The following G2E3 variants were observed in gnomAD, a reference collection of about 807,000 sequenced individuals.
G2E3 encodes the protein G2/M phase-specific E3 ubiquitin-protein ligase.
G2E3 carries 35 observed loss-of-function variants against 92.8 expected under a neutral mutation model. That is an observed-to-expected ratio of 0.38 (90% CI 0.29 to 0.50). The LOEUF (loss-of-function observed/expected upper bound fraction) is 0.50. Ranked by LOEUF, G2E3 falls within the 20% of genes least tolerant of loss-of-function variation. The probability of loss-of-function intolerance (pLI) is 0.94; values close to 1 mark genes in which losing one functional copy is unlikely to be tolerated. For synonymous variants in G2E3, 242 were observed against 272.4 expected (o/e 0.89, Z 1.10); for missense variants, 554 against 823.8 (o/e 0.67, Z 4.01).
rs78845581 is a variant in G2E3, at chr14:30,584,051, T to C, written c.38-2667T>C. 4.5e-4 allele frequency among the ~76,000 whole-genome samples: 68 copies of C among 152,332 alleles called. 3 individuals are homozygous for C. The East Asian group carries it at 0.012, about 27-fold the overall frequency. ...CGTGTCCCCAGCCCCTGGTAACCACTAATCTGCTTTTTGTGTGTCCCTGTG... is the reference window on the plus strand; with the variant it reads ...CGTGTCCCCAGCCCCTGGTAACCACCAATCTGCTTTTTGTGTGTCCCTGTG... On this transcript the variant is annotated intron_variant, in intron 2 of 14. Transcript: ENST00000206595.
intron 1 of G2E3, among the ~76,000 whole-genome samples, chr14:30,562,494 A>C (rs976230114): frequency 6.6e-6 from 1 of 152,194 alleles, no homozygotes; most frequent in African/African-American, 2.4e-5. Flanking sequence ...TTCTAGCGGT[A>C]ACACCAGCGT....
intron 13 of G2E3, among the ~76,000 whole-genome samples, chr14:30,612,652 G>A (rs1156714240): frequency 6.6e-6 from 1 of 152,112 alleles, no homozygotes; most frequent in African/African-American, 2.4e-5. Context: ...GAGGTCAGGA[G>A]TTTGAGACCA....
intron 8 of G2E3, among the ~76,000 whole-genome samples, chr14:30,600,961 G>T (rs1881540353): frequency 6.6e-6 from 1 of 152,204 alleles, no homozygotes; most frequent in African/African-American, 2.4e-5. Context: ...AGCATAATAA[G>T]CACTTAGGTT....
chr14:30,578,938 G>A (rs1880274164), intron 1 of G2E3, among the ~76,000 whole-genome samples: 1 of 151,954 alleles, frequency 6.6e-6, no homozygotes, highest in African/African-American at 2.4e-5. Flanking sequence ...AATTGCTTTG[G>A]TGTCTTTGTT....
chr14:30,569,289 CCCTT>C (rs1362170991), intron 1 of G2E3, among the ~76,000 whole-genome samples: 2 of 152,292 alleles, frequency 1.3e-5, no homozygotes, highest in South Asian at 2.1e-4. Context: ...ATTCCTTTCA[CCCTT>C]CCTTCTCTCC....
intron 1 of G2E3, among the ~76,000 whole-genome samples, chr14:30,562,845 A>C (rs537306789): frequency 6.6e-6 from 1 of 152,212 alleles, no homozygotes; most frequent in African/African-American, 2.4e-5. Flanking sequence ...ATAATGGTGT[A>C]AGCTGTCTCT....
intron 1 of G2E3, among the ~76,000 whole-genome samples, chr14:30,563,032 C>A (rs1038665668): frequency 6.6e-6 from 1 of 152,050 alleles, no homozygotes; most frequent in Non-Finnish European, 1.5e-5. Flanking sequence ...GATAGTGGTC[C>A]CCCGGGCCCA....
At chr14:30,614,810 AT>A (rs1449187201) in intron 13 of G2E3, among the ~76,000 whole-genome samples, 1 of 152,142 alleles carries the variant, frequency 6.6e-6, no homozygotes, top group African/African-American at 2.4e-5. Flanking sequence ...TTAATCATAT[AT>A]TTTTTGTTCA....
intron 3 of G2E3, among the ~76,000 whole-genome samples, chr14:30,587,141 G>A (rs1246548089): frequency 6.6e-6 from 1 of 152,156 alleles, no homozygotes; most frequent in Non-Finnish European, 1.5e-5. Context: ...TTCATTTGTT[G>A]CTAGTGATAA....
chr14:30,571,944 T>TA (rs34718480), intron 1 of G2E3, among the ~76,000 whole-genome samples: 64,771 of 144,340 alleles, frequency 0.45, 16,641 homozygotes, highest in African/African-American at 0.72. Context: ...GCCAGTATCT[T>TA]AAAAAAAAAA....
At chr14:30,616,223 T>C (rs1882307271) in intron 14 of G2E3, 55 bp from the exon 15 acceptor site, 2 of 1,146,722 alleles carry the variant, frequency 1.7e-6, no homozygotes, top group Admixed American at 3.6e-5. Context: ...GATAGCAATA[T>C]ATAACATGGA....
intron 6 of G2E3, among the ~76,000 whole-genome samples, chr14:30,595,327 A>G (rs1171293265): frequency 2.0e-5 from 3 of 152,168 alleles, no homozygotes; most frequent in African/African-American, 4.8e-5. Context: ...AAGGGTTTGT[A>G]TTTGGATGAA....
intron 13 of G2E3, among the ~76,000 whole-genome samples, chr14:30,614,732 G>A (rs756210847): frequency 4.6e-5 from 7 of 152,158 alleles, no homozygotes; most frequent in African/African-American, 2.4e-5. Context: ...AAAATGATAT[G>A]TTTGTTCTTT....
intron 3 of G2E3, among the ~76,000 whole-genome samples, chr14:30,588,120 T>G (rs1306689864): frequency 4.6e-5 from 7 of 152,166 alleles, no homozygotes; most frequent in Admixed American, 4.6e-4. Flanking sequence ...GAACATGAAG[T>G]TGTCATTCCA....
rs764302602 is a variant in G2E3 at position 30,560,856 on chromosome 14, G to GT, written c.-5+1585dup. The GT allele has an allele frequency of 7.0e-5, 49 of 698,984 alleles. 1 individual carries two copies. Among genetic ancestry groups the GT allele is most frequent in the African/African-American group, 2.5e-4 (14 of 56,910 alleles). 43.3% of individuals were successfully genotyped at this position (698,984 alleles called of 1,614,324 possible). A position where few individuals can be genotyped will look rare whatever the true frequency, so the allele number is the denominator to read the frequency against. ...TTTAACTGAAAGGTTAGAAAATACT[G>GT]TGAGTTTTCAAAACACTGATTTGAT... On this transcript the variant is annotated intron_variant, in intron 1 of 14. Coordinates refer to ENST00000206595, the MANE Select transcript of G2E3 (RefSeq NM_017769.5).
intron 3 of G2E3, among the ~76,000 whole-genome samples, chr14:30,587,368 C>T (rs1186771496): frequency 2.6e-5 from 4 of 152,192 alleles, no homozygotes; most frequent in African/African-American, 9.6e-5. Flanking sequence ...TTTCTCACCT[C>T]ACTGAATTCA....
intron 6 of G2E3, among the ~76,000 whole-genome samples, chr14:30,596,954 G>A (rs1260310872): frequency 6.6e-6 from 1 of 152,116 alleles, no homozygotes; most frequent in Non-Finnish European, 1.5e-5. Context: ...ATCTGTATTT[G>A]CTATAGCAAT....
chr14:30,583,129 G>T (rs1880523935), intron 2 of G2E3, among the ~76,000 whole-genome samples: 1 of 152,188 alleles, frequency 6.6e-6, no homozygotes, highest in East Asian at 1.9e-4. Flanking sequence ...ATCATTTAGA[G>T]ATGCAAGCAC....
At chr14:30,598,974 G>C (rs1302125401) in intron 8 of G2E3, among the ~76,000 whole-genome samples, 1 of 152,062 alleles carries the variant, frequency 6.6e-6, no homozygotes, top group Non-Finnish European at 1.5e-5. Context: ...CCACAGACTG[G>C]GTGGCTTAAA....
Sources: gnomAD v4.1 joint callset for allele counts (sites outside exome capture counted in the v4.1 genomes callset) on GRCh38, gnomAD v4.1.1 for gene constraint, MANE v1.5 for transcripts, NCBI Gene and HGNC (gene_info 2026-07-23, HGNC 2026-07-21) for gene names.